Variants in RNLS observed in about 807,000 individuals in gnomAD.
RNLS encodes renalase.
A neutral mutation model predicts 39.8 loss-of-function variants in RNLS; 39 were observed. That is an observed-to-expected ratio of 0.98 (90% CI 0.76 to 1.28). The LOEUF is 1.28. RNLS is among the 50% of genes most tolerant of loss of function. The probability of loss-of-function intolerance (pLI) is 0.00; values close to 1 mark genes in which losing one functional copy is unlikely to be tolerated. For missense variants in RNLS, 410 were observed against 413.3 expected (o/e 0.99, Z 0.07); for synonymous variants, 147 against 150.7 (o/e 0.98, Z 0.18).
intron 3 of RNLS, among the ~76,000 whole-genome samples, chr10:88,577,962 T>C (rs1018133395): frequency 1.6e-4 from 25 of 152,220 alleles, no homozygotes; most frequent in Non-Finnish European, 7.4e-5. Flanking sequence ...CCAATCTGAA[T>C]GACCACTGGT....
At chr10:88,328,052 C>G (rs954686103) in intron 5 of RNLS, among the ~76,000 whole-genome samples, 1 of 151,706 alleles carries the variant, frequency 6.6e-6, no homozygotes, top group Non-Finnish European at 1.5e-5. Flanking sequence ...AGACTACAGG[C>G]GTGCACCACC....
intron 4 of RNLS, among the ~76,000 whole-genome samples, chr10:88,467,941 A>T (rs1843305620): frequency 6.6e-6 from 1 of 152,230 alleles, no homozygotes; most frequent in Non-Finnish European, 1.5e-5. Flanking sequence ...CACTTTGGGA[A>T]GCATTGCCTT....
chr10:88,445,260 C>G (rs1206302884), intron 4 of RNLS, among the ~76,000 whole-genome samples: 2 of 152,150 alleles, frequency 1.3e-5, no homozygotes, highest in African/African-American at 4.8e-5. Flanking sequence ...TTACAGACAA[C>G]CAAATGCTGA....
chr10:88,393,170 T>C (rs1203388454), intron 4 of RNLS, among the ~76,000 whole-genome samples: 1 of 152,092 alleles, frequency 6.6e-6, no homozygotes, highest in Non-Finnish European at 1.5e-5. Context: ...CTATTCAACA[T>C]AGTGTTGGAA....
chr10:88,351,040 G>A (rs1018676391), intron 5 of RNLS, among the ~76,000 whole-genome samples: 1 of 152,168 alleles, frequency 6.6e-6, no homozygotes, highest in Non-Finnish European at 1.5e-5. Context: ...CTTTTGAGAA[G>A]TGTCTGTTCA....
downstream of RNLS, among the ~76,000 whole-genome samples, chr10:88,280,006 TC>T (rs990853995): frequency 6.6e-6 from 1 of 152,080 alleles, no homozygotes; most frequent in Non-Finnish European, 1.5e-5. Context: ...CCACTAACTC[TC>T]CTTATCATCA....
At chr10:88,280,526 G>A (rs73360729), downstream of RNLS, among the ~76,000 whole-genome samples, 1,637 of 152,244 alleles carry the variant, frequency 0.011, 27 homozygotes, top group African/African-American at 0.035. Context: ...TGTGTGGGGG[G>A]AGGGGTTGAA....
intron 4 of RNLS, among the ~76,000 whole-genome samples, chr10:88,501,177 T>C (rs1247532968): frequency 6.6e-6 from 1 of 152,050 alleles, no homozygotes; most frequent in African/African-American, 2.4e-5. Flanking sequence ...ACAATACTAA[T>C]TTAACTCCAT....
At chr10:88,267,546 G>C in the RNLS span, among the ~76,000 whole-genome samples, 1 of 152,194 alleles carries the variant, frequency 6.6e-6, no homozygotes, top group Non-Finnish European at 1.5e-5. Context: ...CTGTGCTCCA[G>C]CTTGGGCAAC....
intron 6 of RNLS, among the ~76,000 whole-genome samples, chr10:88,313,138 C>T (rs949069201): frequency 6.6e-6 from 1 of 152,066 alleles, no homozygotes; most frequent in Non-Finnish European, 1.5e-5. Context: ...TTGATTAGAC[C>T]ATTTTGTGGT....
At chr10:88,244,531 A>G in the RNLS span, among the ~76,000 whole-genome samples, 2 of 152,196 alleles carry the variant, frequency 1.3e-5, no homozygotes, top group African/African-American at 4.8e-5. Context: ...GTGTTTCTTT[A>G]GAGTGGGCAG....
intron 4 of RNLS, among the ~76,000 whole-genome samples, chr10:88,417,695 A>C (rs1255129196): frequency 6.6e-6 from 1 of 152,198 alleles, no homozygotes; most frequent in Non-Finnish European, 1.5e-5. Context: ...AATGCCAAGG[A>C]CTTTAGCCAT....
intron 3 of RNLS, 103 bp from the exon 4 acceptor site, chr10:88,573,164 C>T: frequency 9.2e-7 from 1 of 1,082,248 alleles, no homozygotes; most frequent in Non-Finnish European, 1.3e-6. Context: ...AACAAAATGG[C>T]CAAGACTGTC....
chr10:88,285,071 G>C lies in RNLS; in HGVS notation c.*283C>G. 9.9e-7 allele frequency: 1 copy of C among 1,014,512 alleles called. No homozygotes were observed. Among genetic ancestry groups the C allele is most frequent in the South Asian group, 4.5e-5 (1 of 22,250 alleles). The allele number at this position is 1,014,512 out of a possible 1,614,324, so 62.8% of individuals were successfully genotyped here. A position where few individuals can be genotyped will look rare whatever the true frequency, so the allele number is the denominator to read the frequency against. ...GTGATTTAATGTAATTTTTTTGAGA[G>C]AGTCGTTTGTTATTTTTTAAGTACC... On this transcript the variant is annotated 3_prime_UTR_variant, in exon 7 of 7. Coordinates refer to ENST00000331772, the MANE Select transcript of RNLS (RefSeq NM_001031709.3).
intron 4 of RNLS, among the ~76,000 whole-genome samples, chr10:88,392,850 G>T (rs1025577963): frequency 6.6e-6 from 1 of 152,122 alleles, no homozygotes; most frequent in South Asian, 2.1e-4. Flanking sequence ...GATCAAGTGG[G>T]CTTCATCCCT....
At chr10:88,307,534 A>G (rs1300474331) in intron 6 of RNLS, among the ~76,000 whole-genome samples, 2 of 152,222 alleles carry the variant, frequency 1.3e-5, no homozygotes, top group Non-Finnish European at 2.9e-5. Context: ...TGTACCAACA[A>G]TAGTCAAGCC....
chr10:88,403,922 A>G (rs187497726), intron 4 of RNLS, among the ~76,000 whole-genome samples: 124 of 152,080 alleles, frequency 8.2e-4, no homozygotes, highest in Non-Finnish European at 1.4e-3. Flanking sequence ...GCATGGCTAT[A>G]AGACCCAGTT....
chr10:88,188,341 G>GCCAC, the RNLS span, among the ~76,000 whole-genome samples: 1 of 152,194 alleles, frequency 6.6e-6, no homozygotes, highest in East Asian at 1.9e-4. Context: ...ACAGGCATGA[G>GCCAC]CCACCACACC....
chr10:88,576,054 T>G (rs1410249511), intron 3 of RNLS, among the ~76,000 whole-genome samples: 1 of 152,174 alleles, frequency 6.6e-6, no homozygotes, highest in Non-Finnish European at 1.5e-5. Context: ...CAGGTACCCA[T>G]GAAAATATCA....
Sources: gnomAD v4.1 joint callset for allele counts (sites outside exome capture counted in the v4.1 genomes callset) on GRCh38, gnomAD v4.1.1 for gene constraint, MANE v1.5 for transcripts, NCBI Gene and HGNC (gene_info 2026-07-23, HGNC 2026-07-21) for gene names.